ROBO2: variants seen among roughly 807,000 people sequenced by gnomAD.
The protein encoded by ROBO2 is roundabout homolog 2.
A neutral mutation model predicts 160.8 loss-of-function variants in ROBO2; 53 were observed. That is an observed-to-expected ratio of 0.33 (90% CI 0.26 to 0.41). The LOEUF (loss-of-function observed/expected upper bound fraction) is 0.41, where lower values mean the gene tolerates loss of function less well. ROBO2 is among the 10% of genes least tolerant of loss of function. ROBO2 has a pLI of 1.00. For synonymous variants in ROBO2, 664 were observed against 611.7 expected (o/e 1.09, Z -1.26); for missense variants, 1,577 against 1,722.4 (o/e 0.92, Z 1.49).
At chr3:76,962,739 C>T (rs557615468) in intron 2 of ROBO2, among the ~76,000 whole-genome samples, 231 of 151,776 alleles carry the variant, frequency 1.5e-3, no homozygotes, top group South Asian at 2.9e-3. Context: ...GCCAAGAGTT[C>T]GAGGCTGCAG....
intron 1 of ROBO2, among the ~76,000 whole-genome samples, chr3:75,930,912 C>G (rs1947503865): frequency 6.6e-6 from 1 of 152,188 alleles, no homozygotes; most frequent in South Asian, 2.1e-4. Context: ...CTTAGTCAAC[C>G]TACTTTAATT....
At chr3:76,010,263 G>A (rs1484096148) in intron 2 of ROBO2, among the ~76,000 whole-genome samples, 3 of 152,224 alleles carry the variant, frequency 2.0e-5, no homozygotes, top group African/African-American at 7.2e-5. Flanking sequence ...GTTTAAGAAA[G>A]ACAATGACGG....
chr3:77,462,685 T>C (rs2082367011), intron 2 of ROBO2, among the ~76,000 whole-genome samples: 5 of 152,216 alleles, frequency 3.3e-5, no homozygotes, highest in Admixed American at 1.3e-4. Context: ...TAATAAGTAG[T>C]TAATACATTT....
At chr3:76,243,636 A>C (rs1705438312) in intron 2 of ROBO2, among the ~76,000 whole-genome samples, 2 of 152,206 alleles carry the variant, frequency 1.3e-5, no homozygotes, top group Admixed American at 1.3e-4. Flanking sequence ...GAGAAGTAGC[A>C]GAAGACAGCA....
intron 24 of ROBO2, chr3:77,642,847 T>C (rs754061813): frequency 2.2e-6 from 1 of 456,584 alleles, no homozygotes; most frequent in South Asian, 1.5e-5. Flanking sequence ...AGCTAGAACC[T>C]CCCTAGAGTG....
intron 8 of ROBO2, among the ~76,000 whole-genome samples, chr3:77,557,150 G>A (rs971209439): frequency 2.0e-5 from 3 of 151,854 alleles, no homozygotes; most frequent in African/African-American, 7.2e-5. Flanking sequence ...TACAAATACA[G>A]TATTTCATAA....
intron 2 of ROBO2, among the ~76,000 whole-genome samples, chr3:76,327,847 G>C (rs1368491815): frequency 2.0e-5 from 3 of 152,028 alleles, no homozygotes; most frequent in Non-Finnish European, 2.9e-5. Flanking sequence ...ACGGTGAATA[G>C]AGTGTTAGAC....
At chr3:77,120,701 A>G (rs1380062436) in intron 2 of ROBO2, among the ~76,000 whole-genome samples, 1 of 152,202 alleles carries the variant, frequency 6.6e-6, no homozygotes, top group African/African-American at 2.4e-5. Context: ...TATTCAAAAT[A>G]GTATACATTT....
At position 75,929,171 on chromosome 3, in the gene ROBO2, ACG is replaced by A. The variant is rs1491440707; in HGVS notation, c.-13-8309_-13-8308del. The stretch of plus-strand genomic sequence containing the variant: ...AACATGAGATCTGCAGCTGGATAAG[ACG>A]TGTGTGTGTGTGTGTGTGTGTGTGT... On this transcript the variant is annotated intron_variant, in intron 1 of 26. Coordinates refer to the ROBO2 transcript ENST00000487694. 8.5e-4 allele frequency among the ~76,000 whole-genome samples: 69 copies of A among 80,724 alleles called. 1 individual carries two copies. Among genetic ancestry groups the A allele is most frequent in the African/African-American group, 2.5e-3 (44 of 17,780 alleles). The allele number at this position is 80,724 out of a possible 152,430, so 53.0% of individuals were successfully genotyped here.
intron 2 of ROBO2, among the ~76,000 whole-genome samples, chr3:75,960,517 T>C (rs1410269760): frequency 2.0e-5 from 3 of 151,840 alleles, no homozygotes; most frequent in Non-Finnish European, 2.9e-5. Flanking sequence ...TTTCATTATA[T>C]ATATAACTTC....
At chr3:77,643,361 T>A (rs556772070) in intron 24 of ROBO2, among the ~76,000 whole-genome samples, 56 of 152,236 alleles carry the variant, frequency 3.7e-4, no homozygotes, top group Non-Finnish European at 6.8e-4. Context: ...TGTGAATTCA[T>A]TAAAATTACA....
At chr3:76,665,808 C>A (rs2091995445) in intron 2 of ROBO2, among the ~76,000 whole-genome samples, 1 of 148,450 alleles carries the variant, frequency 6.7e-6, no homozygotes, top group Admixed American at 6.8e-5. Flanking sequence ...GAATATGGTG[C>A]TTTTTAAAGC....
intron 2 of ROBO2, among the ~76,000 whole-genome samples, chr3:76,145,116 A>ACG (rs2071836210): frequency 6.6e-6 from 1 of 151,508 alleles, no homozygotes; most frequent in Non-Finnish European, 1.5e-5. Flanking sequence ...GAAAAAAAAA[A>ACG]CGCTTTGAAA....
chr3:76,464,517 A>G (rs2078260953), intron 2 of ROBO2, among the ~76,000 whole-genome samples: 1 of 152,006 alleles, frequency 6.6e-6, no homozygotes, highest in African/African-American at 2.4e-5. Flanking sequence ...TATATACTCA[A>G]TAAAACCCCA....
rs138440710 is a variant in ROBO2, at chr3:77,565,287, A to T, written c.1849+167A>T. ...GTAGCTTGCTGTTTATCTTGGTGAG[A>T]TGTGTTCTCTTTCTGGAGTTTTTGG... is the stretch of plus-strand genomic sequence containing the variant. On this transcript the variant is annotated intron_variant, in intron 12 of 25. Coordinates refer to ENST00000461745, the Ensembl canonical transcript of ROBO2. Among the ~76,000 whole-genome samples, 934 of 152,104 alleles carry T rather than the reference A, an allele frequency of 6.1e-3. 7 individuals carry two copies. Among genetic ancestry groups the T allele is most frequent in the African/African-American group, 0.021 (883 of 41,514 alleles).
chr3:77,272,520 A>G (rs2059566619), intron 2 of ROBO2, among the ~76,000 whole-genome samples: 1 of 152,182 alleles, frequency 6.6e-6, no homozygotes, highest in Non-Finnish European at 1.5e-5. Flanking sequence ...ATCACCTCCC[A>G]CCAGGCCCCA....
At chr3:76,629,898 C>T (rs1338299936) in intron 2 of ROBO2, among the ~76,000 whole-genome samples, 1 of 152,202 alleles carries the variant, frequency 6.6e-6, no homozygotes, top group African/African-American at 2.4e-5. Context: ...CCATACTTTT[C>T]TGAGAATTCT....
intron 6 of ROBO2, among the ~76,000 whole-genome samples, chr3:77,541,692 C>T (rs1009842552): frequency 1.3e-5 from 2 of 152,136 alleles, no homozygotes; most frequent in Non-Finnish European, 1.5e-5. Context: ...CTAGTTATAG[C>T]TGAAGCAATA....
chr3:76,057,370 G>C (rs1234310189), intron 2 of ROBO2, among the ~76,000 whole-genome samples: 2 of 152,150 alleles, frequency 1.3e-5, no homozygotes, highest in African/African-American at 2.4e-5. Flanking sequence ...CTTATGCTTA[G>C]AGATGTTAAC....
Sources: gnomAD v4.1 joint callset for allele counts (sites outside exome capture counted in the v4.1 genomes callset) on GRCh38, gnomAD v4.1.1 for gene constraint, MANE v1.5 for transcripts, NCBI Gene and HGNC (gene_info 2026-07-23, HGNC 2026-07-21) for gene names.